IL1RAPL1: variants seen among roughly 807,000 people sequenced by gnomAD.
The protein encoded by IL1RAPL1 is interleukin 1 receptor accessory protein like 1.
IL1RAPL1 carries 3 observed loss-of-function variants against 48.4 expected under a neutral mutation model. The ratio of observed to expected loss-of-function variants is 0.06; its 90% CI spans 0.03 to 0.16. IL1RAPL1 has a LOEUF of 0.16. Among genes scored for constraint, IL1RAPL1 ranks in the 10% least tolerant of loss-of-function variants. The pLI, the probability that IL1RAPL1 is intolerant of heterozygous loss-of-function variation, is 1.00. For missense variants in IL1RAPL1, 349 were observed against 530.6 expected, an observed-to-expected ratio of 0.66 and a Z score of 3.36; for synonymous variants, 185 against 187.7, an observed-to-expected ratio of 0.99 and a Z score of 0.12.
chrX:28,716,214 C>A (rs1379969802), intron 1 of IL1RAPL1, among the ~76,000 whole-genome samples: 1 of 112,023 alleles, frequency 8.9e-6, no homozygotes, highest in African/African-American at 3.2e-5. Flanking sequence ...GTGTGGCAAA[C>A]CCACAGCCAA....
intron 6 of IL1RAPL1, among the ~76,000 whole-genome samples, chrX:29,869,934 G>A (rs1330172414): frequency 9.0e-6 from 1 of 110,537 alleles, no homozygotes; most frequent in Non-Finnish European, 1.9e-5. Flanking sequence ...TTGTGGAAAT[G>A]TGAGAGACAA....
At chrX:28,972,672 G>A (rs1391856433) in intron 2 of IL1RAPL1, among the ~76,000 whole-genome samples, 2 of 111,449 alleles carry the variant, frequency 1.8e-5, no homozygotes, top group African/African-American at 3.3e-5. Flanking sequence ...CTAGGAGGCG[G>A]AGCTTGGAGT....
At chrX:29,930,460 C>T (rs920902613) in intron 8 of IL1RAPL1, among the ~76,000 whole-genome samples, 28 of 111,545 alleles carry the variant, frequency 2.5e-4, no homozygotes, top group African/African-American at 8.5e-4. Flanking sequence ...AGCCATAGAT[C>T]AATTACCTAT....
At chrX:29,268,807 T>C (rs1181882286) in intron 2 of IL1RAPL1, among the ~76,000 whole-genome samples, 1 of 112,085 alleles carries the variant, frequency 8.9e-6, no homozygotes, top group Non-Finnish European at 1.9e-5. Context: ...AAATATCTGT[T>C]GAAATAAAGG....
At chrX:29,349,514 G>C (rs1933194600) in intron 3 of IL1RAPL1, among the ~76,000 whole-genome samples, 2 of 111,525 alleles carry the variant, frequency 1.8e-5, no homozygotes, top group Admixed American at 1.9e-4. Context: ...GTGGGAAGAG[G>C]TCAAAGAAAA....
intron 1 of IL1RAPL1, among the ~76,000 whole-genome samples, chrX:28,767,342 C>T (rs1192605014): frequency 9.1e-6 from 1 of 110,238 alleles, no homozygotes; most frequent in Non-Finnish European, 1.9e-5. Flanking sequence ...GTCTAATAGC[C>T]TTTTCTCTAT....
At chrX:29,151,595 G>T (rs1342945918) in intron 2 of IL1RAPL1, among the ~76,000 whole-genome samples, 1 of 111,878 alleles carries the variant, frequency 8.9e-6, no homozygotes, top group Non-Finnish European at 1.9e-5. Flanking sequence ...GTGTTATCAA[G>T]AAAGTTACAA....
intron 2 of IL1RAPL1, among the ~76,000 whole-genome samples, chrX:29,187,507 A>G (rs747487619): frequency 1.4e-4 from 16 of 111,453 alleles, no homozygotes; most frequent in Non-Finnish European, 2.8e-4. Context: ...GCATTATAGG[A>G]TAGGAACCCT....
intron 5 of IL1RAPL1, among the ~76,000 whole-genome samples, chrX:29,433,993 A>G (rs1449921180): frequency 1.8e-5 from 2 of 110,419 alleles, no homozygotes; most frequent in Non-Finnish European, 3.8e-5. Context: ...CTGACTTCAT[A>G]TAAAAATAAA....
At chrX:29,111,050 A>C (rs1216877101) in intron 2 of IL1RAPL1, among the ~76,000 whole-genome samples, 1 of 111,627 alleles carries the variant, frequency 9.0e-6, no homozygotes, top group African/African-American at 3.2e-5. Flanking sequence ...TCACTTTAAA[A>C]ATTTTTTATT....
chrX:28,730,754 C>T (rs1935745022), intron 1 of IL1RAPL1, among the ~76,000 whole-genome samples: 1 of 111,728 alleles, frequency 9.0e-6, no homozygotes, highest in Non-Finnish European at 1.9e-5. Flanking sequence ...AATCCTAGAC[C>T]TGATGTTTTA....
At chrX:29,279,701 A>G (rs898950917) in intron 2 of IL1RAPL1, among the ~76,000 whole-genome samples, 1 of 111,503 alleles carries the variant, frequency 9.0e-6, no homozygotes. Context: ...ATGACGTTGA[A>G]CTGTATGAAA....
At chrX:29,519,896 A>G (rs1935485776) in intron 5 of IL1RAPL1, among the ~76,000 whole-genome samples, 1 of 111,644 alleles carries the variant, frequency 9.0e-6, no homozygotes, top group Non-Finnish European at 1.9e-5. Context: ...GTTCATTAAT[A>G]CCATTTATTG....
At chrX:29,864,462 T>C (rs1186803685) in intron 6 of IL1RAPL1, among the ~76,000 whole-genome samples, 3 of 112,026 alleles carry the variant, frequency 2.7e-5, no homozygotes, top group African/African-American at 9.7e-5. Flanking sequence ...GAATGGGTTG[T>C]TAGAATGCTT....
intron 5 of IL1RAPL1, among the ~76,000 whole-genome samples, chrX:29,619,010 T>A (rs1407007193): frequency 1.8e-5 from 2 of 112,152 alleles, no homozygotes; most frequent in Non-Finnish European, 3.8e-5. Context: ...GTATCATTTT[T>A]AGCTTTCTAT....
At chrX:28,597,080 A>G (rs1933963561) in intron 1 of IL1RAPL1, among the ~76,000 whole-genome samples, 1 of 111,161 alleles carries the variant, frequency 9.0e-6, no homozygotes, top group Non-Finnish European at 1.9e-5. Flanking sequence ...GACCAAATGG[A>G]GCATGGTTAA....
chrX:28,801,342 C>CT (rs887264235), intron 2 of IL1RAPL1, among the ~76,000 whole-genome samples: 46 of 110,157 alleles, frequency 4.2e-4, no homozygotes, highest in African/African-American at 8.9e-4. Context: ...TCAAAAACTT[C>CT]TTTTTTTTTC....
At chrX:29,469,913 T>C (rs1218567422) in intron 5 of IL1RAPL1, among the ~76,000 whole-genome samples, 4 of 112,064 alleles carry the variant, frequency 3.6e-5, no homozygotes. Context: ...GTTCATGATA[T>C]GGAGACTGCA....
intron 3 of IL1RAPL1, among the ~76,000 whole-genome samples, chrX:29,363,777 G>C (rs184537327): frequency 6.2e-4 from 69 of 111,131 alleles, no homozygotes; most frequent in Middle Eastern, 4.6e-3. Context: ...ACCAGATCTC[G>C]TGAGAACTCT....
Sources: gnomAD v4.1 joint callset for allele counts (sites outside exome capture counted in the v4.1 genomes callset) on GRCh38, gnomAD v4.1.1 for gene constraint, MANE v1.5 for transcripts, NCBI Gene and HGNC (gene_info 2026-07-23, HGNC 2026-07-21) for gene names.